Variants in LCK observed in about 807,000 individuals in gnomAD.
The protein encoded by LCK is LCK proto-oncogene, Src family tyrosine kinase, also known as tyrosine-protein kinase Lck.
A neutral mutation model predicts 64.6 loss-of-function variants in LCK; 14 were observed. That is an observed-to-expected ratio of 0.22 (90% CI 0.14 to 0.34). LCK has a LOEUF of 0.34. LCK is among the 10% of genes least tolerant of loss of function. The probability of loss-of-function intolerance (pLI) is 1.00; values close to 1 mark genes in which losing one functional copy is unlikely to be tolerated. For missense variants in LCK, 434 were observed against 668.1 expected (o/e 0.65, Z 3.86); for synonymous variants, 277 against 263.6 (o/e 1.05, Z -0.49).
chr1:32,276,156 T>C lies in LCK; in HGVS notation c.631+93T>C. On this transcript the variant is annotated intron_variant, in intron 7 of 12. Transcript: ENST00000336890. This position sits in a 1 kb window ranked among gnomAD's most constrained non-coding sequence, Gnocchi z 4.6. Reference sequence around the variant, plus strand: ...CCCCATCCATCTTTCAATGCCCTACTCCATTCCCCGCAGTGGGTGAGGTGT... The same window carrying C: ...CCCCATCCATCTTTCAATGCCCTACCCCATTCCCCGCAGTGGGTGAGGTGT... The C allele has an allele frequency of 6.6e-7, 1 of 1,511,430 alleles. No homozygotes were observed. The highest frequency in any genetic ancestry group is 9.1e-7 in the Non-Finnish European group (1 of 1,102,056). The allele number at this position is 1,511,430 out of a possible 1,614,324, so 93.6% of individuals were successfully genotyped here. A position where few individuals can be genotyped will look rare whatever the true frequency, so the allele number is the denominator to read the frequency against.
chr1:32,274,486 C>T (rs1325579141), intron 2 of LCK, 52 bp downstream of exon 2: 1 of 1,444,840 alleles, frequency 6.9e-7, no homozygotes, highest in Admixed American at 1.9e-5. Flanking sequence ...AGAATGCAAC[C>T]CAGGAGAAAG....
At chr1:32,284,331 GAT>G (rs887967955) in intron 12 of LCK, among the ~76,000 whole-genome samples, 5 of 145,930 alleles carry the variant, frequency 3.4e-5, no homozygotes, top group Non-Finnish European at 7.5e-5. Flanking sequence ...ATATATGTGA[GAT>G]ATATATATAA....
intron 1 of LCK, among the ~76,000 whole-genome samples, chr1:32,261,333 C>T (rs1051061629): frequency 1.3e-5 from 2 of 150,584 alleles, no homozygotes; most frequent in Admixed American, 6.6e-5. Context: ...CTGCAACCTC[C>T]GCTTCCCCAG....
rs375477745 is a variant in LCK, at chr1:32,275,317, G to A, written c.279-4G>A. 3.7e-6 allele frequency: 6 copies of A among 1,613,894 alleles called. No homozygotes were observed. In the East Asian group the frequency reaches 6.7e-5, roughly 18 times the overall value. Reference sequence around the variant, plus strand: ...AGCCACACTGACCCACCTCCGTGGCGCAGGAGCGGCGAGTGGTGGAAGGCG... The same window carrying A: ...AGCCACACTGACCCACCTCCGTGGCACAGGAGCGGCGAGTGGTGGAAGGCG... On this transcript the variant is annotated splice_region_variant and splice_polypyrimidine_tract_variant and intron_variant, in intron 4 of 12. Transcript: ENST00000336890. The surrounding 1 kb of genome is among the most constrained non-coding windows in gnomAD (Gnocchi z 6.9).
rs886948094 is a variant in LCK, at chr1:32,276,920, G to A, written c.964+134G>A. The A allele has an allele frequency of 2.1e-6, 2 of 960,088 alleles. No individual in the cohort carries two copies. The highest frequency in any genetic ancestry group is 5.8e-5 in the East Asian group (2 of 34,198). The allele number at this position is 960,088 out of a possible 1,614,324, so 59.5% of individuals were successfully genotyped here. A position where few individuals can be genotyped will look rare whatever the true frequency, so the allele number is the denominator to read the frequency against. ...TTCTTGAGCTTTCCTGCCCCCTGGA[G>A]ACTCACCTCCAGCCGGGCGCGGTGG... On this transcript the variant is annotated intron_variant, in intron 9 of 12. Coordinates refer to ENST00000336890, the MANE Select transcript of LCK (RefSeq NM_005356.5). This position sits in a 1 kb window ranked among gnomAD's most constrained non-coding sequence, Gnocchi z 4.6.
In LCK at chr1:32,253,191, C is replaced by A. The variant is rs568520125; in HGVS notation, c.-6+1820C>A. 4.1e-3 allele frequency among the ~76,000 whole-genome samples: 627 copies of A among 152,254 alleles called. 6 individuals carry two copies. The highest frequency in any genetic ancestry group is 0.014 in the African/African-American group (585 of 41,562). ...GACCAGGCTGGCCGACATGGTGAAACCCTGTCTTCGTTAAAAATGCAAAAT... is the reference window on the plus strand; with the variant it reads ...GACCAGGCTGGCCGACATGGTGAAAACCTGTCTTCGTTAAAAATGCAAAAT... On this transcript the variant is annotated intron_variant, in intron 1 of 12. Transcript: ENST00000336890.
intron 12 of LCK, among the ~76,000 whole-genome samples, chr1:32,283,275 C>A (rs979616487): frequency 3.1e-5 from 4 of 128,738 alleles, no homozygotes; most frequent in South Asian, 2.4e-4. Context: ...GGCAACAGAG[C>A]GAGACTCTGT....
Position 32,285,567 on chromosome 1 carries a change from C to T in LCK, c.1381C>T (p.Arg461Cys), listed in dbSNP as rs773475751. The change falls in exon 13 of 13, where the codon CGC (arginine) becomes TGC (cysteine). Residue 461 changes from arginine to cysteine, a missense_variant. Around this residue, in one of 2 missense-constraint regions of LCK, gnomAD observed 201 missense variants for 376.9 expected, o/e 0.53. Transcript: ENST00000336890. ...CCTGGAGCGAGGCTACCGCATGGTG[C>T]GCCCTGACAACTGTCCAGAGGAGCT... Reference protein sequence around the residue: ...QNLERGYRMVRPDNCPEELYQ... With the variant: ...QNLERGYRMVCPDNCPEELYQ... The T allele has an allele frequency of 5.0e-6, 8 of 1,614,112 alleles. No individual in the cohort carries two copies. Among genetic ancestry groups the T allele is most frequent in the South Asian group, 1.1e-5 (1 of 91,084 alleles).
At chr1:32,263,402 AAAATAAATAAATAAATAAAT>A (rs148681600) in intron 1 of LCK, among the ~76,000 whole-genome samples, 98 of 141,104 alleles carry the variant, frequency 6.9e-4, no homozygotes, top group Non-Finnish European at 1.2e-3. Context: ...CAAAATAAAT[AAAATAAATAAATAAATAAAT>A]AAATAAATAA....
chr1:32,268,210 A>G (rs538344017), intron 1 of LCK, among the ~76,000 whole-genome samples: 1 of 152,250 alleles, frequency 6.6e-6, no homozygotes, highest in African/African-American at 2.4e-5. Context: ...AATAAAAAAG[A>G]AAAAAGTAAT....
chr1:32,278,745 T>C (rs1321088161), intron 9 of LCK, among the ~76,000 whole-genome samples: 3 of 152,224 alleles, frequency 2.0e-5, no homozygotes, highest in Non-Finnish European at 2.9e-5. Flanking sequence ...CTGCCATGGA[T>C]ACAATGGAAG....
chr1:32,263,785 C>A (rs61781206), intron 1 of LCK, among the ~76,000 whole-genome samples: 1 of 152,094 alleles, frequency 6.6e-6, no homozygotes, highest in Non-Finnish European at 1.5e-5. Context: ...GTGGCATGGG[C>A]CTGCAGTCCC....
At chr1:32,259,419 A>G (rs1280871475) in intron 1 of LCK, among the ~76,000 whole-genome samples, 1 of 151,908 alleles carries the variant, frequency 6.6e-6, no homozygotes, top group Non-Finnish European at 1.5e-5. Context: ...CAAGAGTTCT[A>G]GACTACCCTG....
intron 1 of LCK, 175 bp from the exon 2 acceptor site, chr1:32,274,150 C>T (rs1236270457): frequency 2.2e-6 from 3 of 1,377,134 alleles, no homozygotes; most frequent in Admixed American, 2.5e-5. Context: ...AGAGGGAGCA[C>T]CGGTTTGGAG....
chr1:32,282,400 C>A (rs545655797), intron 12 of LCK, among the ~76,000 whole-genome samples: 1 of 152,150 alleles, frequency 6.6e-6, no homozygotes, highest in Non-Finnish European at 1.5e-5. Context: ...GCAATTAAGG[C>A]GTGGGGGACC....
At position 32,275,273 on chromosome 1, in the gene LCK, T is replaced by A; in HGVS notation, c.279-48T>A. 6.3e-7 allele frequency: 1 copy of A among 1,591,470 alleles called. No individual in the cohort carries two copies. Among genetic ancestry groups the A allele is most frequent in the South Asian group, 1.1e-5 (1 of 90,614 alleles). On this transcript the variant is annotated intron_variant, in intron 4 of 12. Transcript: ENST00000336890. This position sits in a 1 kb window ranked among gnomAD's most constrained non-coding sequence, Gnocchi z 6.9. ...GTGGAGGGGTCTTTGAGGGAGGGTCTCAGGTCGACGGCTGAGCGAGCCACA... is the reference window on the plus strand; with the variant it reads ...GTGGAGGGGTCTTTGAGGGAGGGTCACAGGTCGACGGCTGAGCGAGCCACA...
intron 2 of LCK, 71 bp from the exon 3 acceptor site, chr1:32,274,666 A>AG: frequency 2.4e-6 from 3 of 1,257,606 alleles, no homozygotes; most frequent in Non-Finnish European, 3.4e-6. Flanking sequence ...AGAGCAGAGC[A>AG]GGGGGGAAGG....
At chr1:32,281,968 G>T (rs1398174643) in intron 12 of LCK, among the ~76,000 whole-genome samples, 1 of 152,174 alleles carries the variant, frequency 6.6e-6, no homozygotes, top group African/African-American at 2.4e-5. Flanking sequence ...TACTCAGGAG[G>T]CTGAGGCAGG....
At position 32,276,480 on chromosome 1, in the gene LCK, G is replaced by A; in HGVS notation, c.775G>A (p.Val259Met). The change falls in exon 8 of 13, where the codon GTG (valine) becomes ATG (methionine). Residue 259 changes from valine to methionine, a missense_variant. By Grantham distance (21) the Val-to-Met change is conservative. Coordinates refer to ENST00000336890, the MANE Select transcript of LCK (RefSeq NM_005356.5). The surrounding 1 kb of genome is among the most constrained non-coding windows in gnomAD (Gnocchi z 4.6). The part of the protein sequence containing the change: ...ERLGAGQFGE[V>M]WMGYYNGHTK... Reference sequence around the variant, plus strand: ...GCTGGGGGCTGGACAGTTCGGGGAGGTGTGGATGGGTGAGTGTGGCCTCCA... The same window carrying A: ...GCTGGGGGCTGGACAGTTCGGGGAGATGTGGATGGGTGAGTGTGGCCTCCA... The A allele has an allele frequency of 6.2e-7, 1 of 1,608,958 alleles. No individual in the cohort carries two copies. Among genetic ancestry groups the A allele is most frequent in the Non-Finnish European group, 8.5e-7 (1 of 1,177,558 alleles).
Sources: allele counts gnomAD v4.1 joint callset (sites outside exome capture counted in the v4.1 genomes callset), GRCh38; gene constraint gnomAD v4.1.1; regional missense constraint gnomAD v4.1.1; non-coding constraint Gnocchi (gnomAD v3.1); transcripts MANE v1.5; gene names NCBI Gene and HGNC (gene_info 2026-07-23, HGNC 2026-07-21).